The following FOXO1 variants were observed in gnomAD, a reference collection of about 807,000 sequenced individuals.
The protein encoded by FOXO1 is forkhead box protein O1.
In FOXO1, 6 loss-of-function variants were observed where a neutral mutation model predicts 44.1. The observed-to-expected ratio is 0.14, with a 90% CI of 0.07 to 0.27. FOXO1 has a LOEUF of 0.27. Among genes scored for constraint, FOXO1 ranks in the 10% least tolerant of loss-of-function variants. The pLI, the probability that FOXO1 is intolerant of heterozygous loss-of-function variation, is 1.00. For missense variants in FOXO1, 737 were observed against 888.8 expected, an observed-to-expected ratio of 0.83 and a Z score of 2.17; for synonymous variants, 380 against 362.7, an observed-to-expected ratio of 1.05 and a Z score of -0.54.
intron 1 of FOXO1, among the ~76,000 whole-genome samples, chr13:40,576,296 A>G (rs941466718): frequency 1.3e-5 from 2 of 152,168 alleles, no homozygotes; most frequent in Admixed American, 1.3e-4. Flanking sequence ...TTTACCCTAC[A>G]TGCAACTCAC....
intron 1 of FOXO1, among the ~76,000 whole-genome samples, chr13:40,602,151 C>T (rs2137880532): frequency 6.6e-6 from 1 of 152,272 alleles, no homozygotes; most frequent in East Asian, 1.9e-4. Context: ...AGTAGCCAAT[C>T]TATGCCTTAA....
chr13:40,617,104 A>T (rs1268297278), intron 1 of FOXO1, among the ~76,000 whole-genome samples: 1 of 152,240 alleles, frequency 6.6e-6, no homozygotes, highest in East Asian at 1.9e-4. Flanking sequence ...CTAATGGGAT[A>T]ACAGAAGAGA....
intron 1 of FOXO1, among the ~76,000 whole-genome samples, chr13:40,660,176 G>C (rs1424772672): frequency 6.6e-6 from 1 of 152,170 alleles, no homozygotes; most frequent in Admixed American, 6.5e-5. Flanking sequence ...GATCCTGGGG[G>C]GGCTGGGCAA....
intron 1 of FOXO1, among the ~76,000 whole-genome samples, chr13:40,600,648 G>C (rs1452832227): frequency 6.6e-6 from 1 of 152,172 alleles, no homozygotes; most frequent in Non-Finnish European, 1.5e-5. Flanking sequence ...GTCTGGGTAT[G>C]CTAAACTTAG....
chr13:40,657,988 T>C (rs1459937871), intron 1 of FOXO1, among the ~76,000 whole-genome samples: 1 of 152,182 alleles, frequency 6.6e-6, no homozygotes. Context: ...AGAAAGAATT[T>C]TTTTCCTAAC....
intron 1 of FOXO1, among the ~76,000 whole-genome samples, chr13:40,602,351 T>A (rs1410368699): frequency 6.6e-6 from 1 of 152,140 alleles, no homozygotes; most frequent in African/African-American, 2.4e-5. Context: ...AATAGGTATA[T>A]GAGATAACTA....
At chr13:40,568,742 A>T (rs1398157223) in intron 1 of FOXO1, among the ~76,000 whole-genome samples, 1 of 152,060 alleles carries the variant, frequency 6.6e-6, no homozygotes, top group Non-Finnish European at 1.5e-5. Flanking sequence ...AAAGACCACT[A>T]TACCCCCCAC....
At chr13:40,584,441 T>C (rs1364352794) in intron 1 of FOXO1, among the ~76,000 whole-genome samples, 1 of 113,402 alleles carries the variant, frequency 8.8e-6, no homozygotes, top group East Asian at 3.0e-4. Flanking sequence ...CTGGGCAACA[T>C]GGAGAAATTC....
intron 1 of FOXO1, among the ~76,000 whole-genome samples, chr13:40,663,527 A>ATT (rs919816101): frequency 6.7e-6 from 1 of 150,336 alleles, no homozygotes; most frequent in Non-Finnish European, 1.5e-5. Context: ...AGGGGGGAGG[A>ATT]TTTTTTTTTT....
intron 1 of FOXO1, among the ~76,000 whole-genome samples, chr13:40,657,965 G>C (rs897408322): frequency 2.0e-5 from 3 of 152,110 alleles, no homozygotes; most frequent in Non-Finnish European, 2.9e-5. Flanking sequence ...AAATATAAAA[G>C]ACCCATGTAT....
chr13:40,619,820 C>A, intron 1 of FOXO1: 1 of 769,920 alleles, frequency 1.3e-6, no homozygotes. Flanking sequence ...AGTAGTCACA[C>A]AAACCAGTCG....
intron 1 of FOXO1, among the ~76,000 whole-genome samples, chr13:40,630,765 T>C (rs1286038339): frequency 6.6e-6 from 1 of 152,100 alleles, no homozygotes; most frequent in African/African-American, 2.4e-5. Flanking sequence ...CTACAAGCTT[T>C]GCCAACACCA....
intron 1 of FOXO1, among the ~76,000 whole-genome samples, chr13:40,600,366 C>T (rs757980469): frequency 7.9e-5 from 12 of 152,290 alleles, no homozygotes; most frequent in South Asian, 4.1e-4. Context: ...GGCATCACCA[C>T]GGAAGTGCAC....
intron 1 of FOXO1, among the ~76,000 whole-genome samples, chr13:40,609,207 T>C (rs541982338): frequency 7.2e-5 from 11 of 152,308 alleles, no homozygotes; most frequent in African/African-American, 2.6e-4. Context: ...TACGTTTGGA[T>C]GACAAAACAT....
chr13:40,564,283 A>T (rs1391217697), intron 1 of FOXO1, among the ~76,000 whole-genome samples: 12 of 91,338 alleles, frequency 1.3e-4, no homozygotes, highest in East Asian at 9.7e-4. Context: ...TTTAGACTTT[A>T]AAAAAAAAAA....
At chr13:40,614,542 C>T (rs886671651) in intron 1 of FOXO1, among the ~76,000 whole-genome samples, 5 of 152,142 alleles carry the variant, frequency 3.3e-5, no homozygotes, top group East Asian at 1.9e-4. Flanking sequence ...CAAATCTTCA[C>T]GTAGAAGATT....
At chr13:40,615,428 G>A (rs1164769313) in intron 1 of FOXO1, among the ~76,000 whole-genome samples, 2 of 151,996 alleles carry the variant, frequency 1.3e-5, no homozygotes, top group African/African-American at 4.8e-5. Context: ...CCAGCTACTT[G>A]GGAAGCTGAG....
Position 40,666,162 on chromosome 13 carries a change from C to A in FOXO1, c.51G>T (p.Leu17=). The A allele has an allele frequency of 1.4e-6, 2 of 1,463,070 alleles. No homozygotes were observed. Among genetic ancestry groups the A allele is most frequent in the Non-Finnish European group, 1.8e-6 (2 of 1,110,758 alleles). 90.6% of individuals were successfully genotyped at this position (1,463,070 alleles called of 1,614,324 possible). Residue 17 remains leucine (L), a synonymous_variant, in exon 1 of 3, where the codon CTG becomes CTT. Coordinates refer to ENST00000379561, the MANE Select transcript of FOXO1 (RefSeq NM_002015.4). ...VVEIDPDFEP[L]PRPRSCTWPL... The stretch of plus-strand genomic sequence containing the variant: ...GCCAGGTGCACGAGCGCGGCCGGGG[C>A]AGCGGCTCGAAGTCCGGGTCGATCT...
chr13:40,562,347 C>T (rs914374316), intron 1 of FOXO1, among the ~76,000 whole-genome samples: 1 of 152,174 alleles, frequency 6.6e-6, no homozygotes, highest in Admixed American at 6.5e-5. Context: ...CATCCCTAGG[C>T]CAACTAGGGA....
Sources: gnomAD v4.1 joint callset for allele counts (sites outside exome capture counted in the v4.1 genomes callset) on GRCh38, gnomAD v4.1.1 for gene constraint, MANE v1.5 for transcripts, NCBI Gene and HGNC (gene_info 2026-07-23, HGNC 2026-07-21) for gene names.